The following GSE1 variants were observed in gnomAD, a reference collection of about 807,000 sequenced individuals.
The protein encoded by GSE1 is Gse1 coiled-coil protein.
In GSE1, 32 loss-of-function variants were observed where a neutral mutation model predicts 112.6. The ratio of observed to expected loss-of-function variants is 0.28; its 90% CI spans 0.21 to 0.38. GSE1 has a LOEUF of 0.38. Among genes scored for constraint, GSE1 ranks in the 10% least tolerant of loss-of-function variants. GSE1 has a pLI of 1.00. For missense variants in GSE1, 2,348 were observed against 1,699.2 expected (o/e 1.38, Z -6.71); for synonymous variants, 1,115 against 735.6 (o/e 1.52, Z -8.35).
chr16:85,498,238 G>C (rs966297069), intron 2 of GSE1, among the ~76,000 whole-genome samples: 3 of 152,168 alleles, frequency 2.0e-5, no homozygotes, highest in African/African-American at 7.2e-5. Flanking sequence ...GCACTGAACT[G>C]CTGGGGTGTC....
intron 15 of GSE1, among the ~76,000 whole-genome samples, chr16:85,671,401 C>G (rs1304779258): frequency 7.2e-6 from 1 of 139,222 alleles, no homozygotes; most frequent in Non-Finnish European, 1.5e-5. Flanking sequence ...GATTGCGCCA[C>G]TGCACTCCAG....
At chr16:85,201,485 C>T (rs1408012416) in intron 1 of GSE1, among the ~76,000 whole-genome samples, 1 of 151,932 alleles carries the variant, frequency 6.6e-6, no homozygotes, top group Non-Finnish European at 1.5e-5. Flanking sequence ...TGGTGAAACG[C>T]CATCTGTACC....
chr16:85,553,461 C>A (rs1160052899), upstream of GSE1, among the ~76,000 whole-genome samples: 1 of 151,882 alleles, frequency 6.6e-6, no homozygotes, highest in East Asian at 1.9e-4. Flanking sequence ...CGGCCCCGAG[C>A]GGCCGGTTTC....
chr16:85,631,559 G>C (rs994929884), intron 1 of GSE1, among the ~76,000 whole-genome samples: 1 of 152,234 alleles, frequency 6.6e-6, no homozygotes, highest in East Asian at 1.9e-4. Flanking sequence ...AGACACCTGC[G>C]TGGCCTTGGC....
At chr16:85,415,020 C>T (rs1383803858) in intron 2 of GSE1, among the ~76,000 whole-genome samples, 5 of 152,236 alleles carry the variant, frequency 3.3e-5, no homozygotes, top group Admixed American at 2.0e-4. Flanking sequence ...TCATAGCTCA[C>T]AGCAGCCTCT....
At chr16:85,512,565 CTT>C (rs2051784258) in intron 2 of GSE1, among the ~76,000 whole-genome samples, 1 of 152,198 alleles carries the variant, frequency 6.6e-6, no homozygotes, top group Non-Finnish European at 1.5e-5. Flanking sequence ...GTGGTGTTTT[CTT>C]CCCTCTCTTC....
chr16:85,187,424 C>G (rs1024585954), intron 1 of GSE1, among the ~76,000 whole-genome samples: 29 of 152,248 alleles, frequency 1.9e-4, no homozygotes, highest in Admixed American at 1.7e-3. Context: ...GAGCCCTGCT[C>G]TGGGGGAAGA....
chr16:85,170,876 C>T (rs558693272), exon 1 of GSE1: 3 of 985,402 alleles, frequency 3.0e-6, no homozygotes, highest in South Asian at 4.7e-5. Context: ...TATGTGGTGC[C>T]CCTGGACAGC....
intron 1 of GSE1, among the ~76,000 whole-genome samples, chr16:85,209,333 C>T (rs1465230967): frequency 1.3e-5 from 2 of 152,198 alleles, no homozygotes; most frequent in Non-Finnish European, 1.5e-5. Context: ...CAACATCCTC[C>T]GTCCTTGTTC....
At chr16:85,628,267 C>T (rs2049247616) in intron 1 of GSE1, among the ~76,000 whole-genome samples, 1 of 152,262 alleles carries the variant, frequency 6.6e-6, no homozygotes, top group Non-Finnish European at 1.5e-5. Flanking sequence ...TTTAAGTGAC[C>T]TGACATCAGC....
At chr16:85,292,685 C>T (rs756331759) in intron 1 of GSE1, among the ~76,000 whole-genome samples, 1 of 152,070 alleles carries the variant, frequency 6.6e-6, no homozygotes, top group African/African-American at 2.4e-5. Flanking sequence ...GTCTCAAACT[C>T]GTGATCTCAG....
At chr16:85,489,381 G>A (rs980882547) in intron 2 of GSE1, among the ~76,000 whole-genome samples, 1 of 151,986 alleles carries the variant, frequency 6.6e-6, no homozygotes, top group Non-Finnish European at 1.5e-5. Flanking sequence ...GGGCTGGGGG[G>A]CTGCCTAGAA....
intron 1 of GSE1, among the ~76,000 whole-genome samples, chr16:85,276,232 C>T (rs1037486159): frequency 2.0e-5 from 3 of 152,268 alleles, no homozygotes; most frequent in Non-Finnish European, 2.9e-5. Flanking sequence ...GCTGCCAGCC[C>T]ATGCTGAGCA....
intron 1 of GSE1, chr16:85,171,866 G>T: frequency 1.1e-6 from 1 of 886,292 alleles, no homozygotes; most frequent in Non-Finnish European, 1.4e-6. Flanking sequence ...TCAGGGAAGG[G>T]AGAGATGTTT....
chr16:85,175,920 C>A (rs1441065004), intron 1 of GSE1, among the ~76,000 whole-genome samples: 1 of 152,212 alleles, frequency 6.6e-6, no homozygotes, highest in Non-Finnish European at 1.5e-5. Context: ...ACCCCAGGAC[C>A]AGCGTCGGGC....
intron 2 of GSE1, among the ~76,000 whole-genome samples, chr16:85,640,653 A>T (rs1160251329): frequency 6.6e-6 from 1 of 152,202 alleles, no homozygotes; most frequent in Non-Finnish European, 1.5e-5. Flanking sequence ...CTGCCGTGGG[A>T]ATGCTTCCAC....
chr16:85,527,563 G>C (rs1005127733), intron 2 of GSE1, among the ~76,000 whole-genome samples: 1 of 152,254 alleles, frequency 6.6e-6, no homozygotes, highest in Non-Finnish European at 1.5e-5. Context: ...TACTTCCTAC[G>C]CACCCGCGCC....
At chr16:85,613,961 G>T (rs1162022042) in intron 1 of GSE1, among the ~76,000 whole-genome samples, 2 of 151,342 alleles carry the variant, frequency 1.3e-5, no homozygotes, top group Non-Finnish European at 3.0e-5. Context: ...TGGTCGGGAG[G>T]GCGGGACCGC....
intron 1 of GSE1, among the ~76,000 whole-genome samples, chr16:85,289,138 A>G (rs930915001): frequency 6.6e-6 from 1 of 152,204 alleles, no homozygotes; most frequent in Non-Finnish European, 1.5e-5. Flanking sequence ...AGTTTCCGGC[A>G]GGGTGTCACC....
Sources: gnomAD v4.1 joint callset for allele counts (sites outside exome capture counted in the v4.1 genomes callset) on GRCh38, gnomAD v4.1.1 for gene constraint, MANE v1.5 for transcripts, NCBI Gene and HGNC (gene_info 2026-07-23, HGNC 2026-07-21) for gene names.